DTNB: variants seen among roughly 807,000 people sequenced by gnomAD.
The protein encoded by DTNB is DTN-B.
A neutral mutation model predicts 90.7 loss-of-function variants in DTNB; 63 were observed. The ratio of observed to expected loss-of-function variants is 0.69; its 90% CI spans 0.57 to 0.86. The LOEUF (loss-of-function observed/expected upper bound fraction) is 0.86. DTNB is among the 40% of genes least tolerant of loss of function. DTNB has a pLI of 0.00. For missense variants in DTNB, 744 were observed against 807.1 expected (o/e 0.92, Z 0.95); for synonymous variants, 277 against 286.7 (o/e 0.97, Z 0.34).
intron 8 of DTNB, among the ~76,000 whole-genome samples, chr2:25,537,848 A>G (rs2080184912): frequency 6.6e-6 from 1 of 152,214 alleles, no homozygotes; most frequent in Non-Finnish European, 1.5e-5. Flanking sequence ...GAAGAACACT[A>G]CAGGTGCGGG....
At chr2:25,532,632 C>G (rs191453843) in intron 8 of DTNB, among the ~76,000 whole-genome samples, 3 of 152,342 alleles carry the variant, frequency 2.0e-5, no homozygotes, top group Admixed American at 1.3e-4. Flanking sequence ...TTCTAAAACT[C>G]ATATTTAAAG....
intron 2 of DTNB, among the ~76,000 whole-genome samples, chr2:25,649,072 T>C (rs2080217158): frequency 2.1e-5 from 3 of 142,974 alleles, no homozygotes; most frequent in African/African-American, 7.7e-5. Flanking sequence ...TGGCGCGATC[T>C]TGGCTCACTG....
chr2:25,508,115 C>G (rs972045896), intron 9 of DTNB, among the ~76,000 whole-genome samples: 1 of 152,142 alleles, frequency 6.6e-6, no homozygotes, highest in Non-Finnish European at 1.5e-5. Context: ...CACTTATTAC[C>G]TTCTAATATA....
At chr2:25,438,045 C>T (rs1433844033) in intron 12 of DTNB, among the ~76,000 whole-genome samples, 1 of 152,130 alleles carries the variant, frequency 6.6e-6, no homozygotes, top group Non-Finnish European at 1.5e-5. Context: ...AGTGAGGAAG[C>T]CAACCAGGTG....
intron 3 of DTNB, among the ~76,000 whole-genome samples, chr2:25,635,927 G>A (rs1359697588): frequency 6.6e-6 from 1 of 152,176 alleles, no homozygotes; most frequent in Non-Finnish European, 1.5e-5. Context: ...TAGAAGGATA[G>A]ACAAACAGAC....
At chr2:25,417,242 C>G (rs891205773) in intron 16 of DTNB, among the ~76,000 whole-genome samples, 8 of 152,130 alleles carry the variant, frequency 5.3e-5, no homozygotes, top group African/African-American at 1.9e-4. Flanking sequence ...CAAGATATAC[C>G]TACAGTGGCT....
At chr2:25,434,047 C>G in intron 12 of DTNB, 52 bp from the exon 13 acceptor site, 4 of 1,510,810 alleles carry the variant, frequency 2.6e-6, no homozygotes, top group Non-Finnish European at 2.7e-6. Flanking sequence ...CCAAATATAC[C>G]CAGAGTTCTA....
At chr2:25,643,996 C>T (rs1196691262) in intron 2 of DTNB, among the ~76,000 whole-genome samples, 5 of 152,202 alleles carry the variant, frequency 3.3e-5, no homozygotes, top group African/African-American at 9.7e-5. Flanking sequence ...GTCCTCACTG[C>T]TATACTCCCA....
intron 8 of DTNB, among the ~76,000 whole-genome samples, chr2:25,561,443 G>A (rs1477486820): frequency 3.3e-5 from 5 of 152,062 alleles, no homozygotes; most frequent in Non-Finnish European, 5.9e-5. Flanking sequence ...ACCTCAGAAA[G>A]GCTTTCCCTA....
rs567282613 is a variant in DTNB, at chr2:25,578,784, A to G, written c.710-1780T>C. ...ACTTGGATTAGTAAATCAATTTAAA[A>G]AGTGCAACTTTTGCTTAAGTGAATA... On this transcript the variant is annotated intron_variant, in intron 7 of 20. Transcript: ENST00000406818. Among the ~76,000 whole-genome samples, 5 of 152,322 alleles carry G rather than the reference A, an allele frequency of 3.3e-5. No homozygotes were observed. In the South Asian group the frequency reaches 8.3e-4, roughly 25 times the overall value.
chr2:25,544,703 T>A (rs1043226899), intron 8 of DTNB, among the ~76,000 whole-genome samples: 1 of 152,356 alleles, frequency 6.6e-6, no homozygotes, highest in Middle Eastern at 3.4e-3. Context: ...GTAACTTCAG[T>A]CCTTTAATCA....
At chr2:25,650,241 T>A in intron 2 of DTNB, 3 of 985,460 alleles carry the variant, frequency 3.0e-6, no homozygotes, top group Non-Finnish European at 3.6e-6. Flanking sequence ...GGTTTCCTAT[T>A]TTGTCTGCTT....
intron 16 of DTNB, among the ~76,000 whole-genome samples, chr2:25,416,559 G>A (rs926836634): frequency 3.9e-5 from 6 of 152,018 alleles, no homozygotes; most frequent in Non-Finnish European, 7.4e-5. Flanking sequence ...CTAGCTACTC[G>A]GGAGGCTAAG....
At chr2:25,656,239 A>T (rs575601249) in intron 1 of DTNB, among the ~76,000 whole-genome samples, 1 of 152,346 alleles carries the variant, frequency 6.6e-6, no homozygotes, top group East Asian at 1.9e-4. Flanking sequence ...GGATACACAA[A>T]AACTGAGATT....
chr2:25,441,397 A>G (rs1191717145), intron 12 of DTNB, among the ~76,000 whole-genome samples: 1 of 152,220 alleles, frequency 6.6e-6, no homozygotes, highest in Non-Finnish European at 1.5e-5. Context: ...TAAAAAATAT[A>G]TTCTACTTAT....
intron 4 of DTNB, among the ~76,000 whole-genome samples, chr2:25,609,040 C>G (rs2067787872): frequency 6.6e-6 from 1 of 152,282 alleles, no homozygotes; most frequent in South Asian, 2.1e-4. Flanking sequence ...GGAGCACAAG[C>G]AGCAAGGTCT....
At chr2:25,483,237 A>G (rs1044438861) in intron 9 of DTNB, among the ~76,000 whole-genome samples, 1 of 152,226 alleles carries the variant, frequency 6.6e-6, no homozygotes, top group African/African-American at 2.4e-5. Flanking sequence ...GTTTTAGTAC[A>G]TAAGAATTTA....
At chr2:25,487,729 T>G (rs527765214) in intron 9 of DTNB, among the ~76,000 whole-genome samples, 113 of 152,310 alleles carry the variant, frequency 7.4e-4, no homozygotes, top group African/African-American at 2.7e-3. Flanking sequence ...AGAAATAGTA[T>G]GTAAAATGGC....
chr2:25,581,719 T>C (rs1237156221), intron 6 of DTNB, among the ~76,000 whole-genome samples: 1 of 152,256 alleles, frequency 6.6e-6, no homozygotes, highest in Non-Finnish European at 1.5e-5. Context: ...TCTTTTTATT[T>C]TCTCCAGCCC....
Sources: allele counts gnomAD v4.1 joint callset (sites outside exome capture counted in the v4.1 genomes callset), GRCh38; gene constraint gnomAD v4.1.1; transcripts MANE v1.5; gene names NCBI Gene and HGNC (gene_info 2026-07-23, HGNC 2026-07-21).